SGCZ: variants seen among roughly 807,000 people sequenced by gnomAD.
SGCZ encodes sarcoglycan zeta, also known as zeta-sarcoglycan.
SGCZ carries 40 observed loss-of-function variants against 41.3 expected under a neutral mutation model. That is an observed-to-expected ratio of 0.97 (90% confidence interval 0.75 to 1.26). The LOEUF (loss-of-function observed/expected upper bound fraction) is 1.26, where lower values mean the gene tolerates loss of function less well. Among genes scored for constraint, SGCZ ranks in the 50% most tolerant of loss-of-function variants. The probability of loss-of-function intolerance (pLI) is 0.00; values close to 1 mark genes in which losing one functional copy is unlikely to be tolerated. For synonymous variants in SGCZ, 206 were observed against 137.5 expected, an observed-to-expected ratio of 1.50 and a Z score of -3.49; for missense variants, 552 against 369.8, an observed-to-expected ratio of 1.49 and a Z score of -4.04.
chr8:14,625,658 T>C (rs1291786673), intron 1 of SGCZ, among the ~76,000 whole-genome samples: 2 of 152,066 alleles, frequency 1.3e-5, no homozygotes, highest in Non-Finnish European at 2.9e-5. Context: ...CTTGAACTCC[T>C]GGAATTAAGT....
intron 1 of SGCZ, among the ~76,000 whole-genome samples, chr8:14,723,992 A>G (rs1341244959): frequency 1.3e-5 from 2 of 152,134 alleles, no homozygotes; most frequent in Admixed American, 1.3e-4. Flanking sequence ...AAGCAGAAGG[A>G]ATAGCCTACT....
At chr8:15,027,079 G>A (rs1803485806) in intron 1 of SGCZ, among the ~76,000 whole-genome samples, 1 of 152,066 alleles carries the variant, frequency 6.6e-6, no homozygotes, top group African/African-American at 2.4e-5. Context: ...ACACATACTG[G>A]CTATATGCCA....
At chr8:14,569,948 C>A (rs80200709) in intron 1 of SGCZ, among the ~76,000 whole-genome samples, 47 of 143,118 alleles carry the variant, frequency 3.3e-4, no homozygotes, top group African/African-American at 1.1e-3. Context: ...GCACTGGAAT[C>A]TTTTTTTTTT....
At chr8:14,584,403 C>G (rs903452629) in intron 1 of SGCZ, among the ~76,000 whole-genome samples, 1 of 151,918 alleles carries the variant, frequency 6.6e-6, no homozygotes, top group Non-Finnish European at 1.5e-5. Context: ...GGCTTACATT[C>G]TAGGCTAAGA....
intron 3 of SGCZ, among the ~76,000 whole-genome samples, chr8:14,252,401 A>G (rs1240613346): frequency 6.6e-6 from 1 of 152,086 alleles, no homozygotes; most frequent in Non-Finnish European, 1.5e-5. Context: ...ATACATATAT[A>G]TGATGTATAT....
chr8:14,093,191 C>T (rs1415658374), intron 7 of SGCZ, among the ~76,000 whole-genome samples: 1 of 152,080 alleles, frequency 6.6e-6, no homozygotes, highest in Non-Finnish European at 1.5e-5. Context: ...CTTTCTCTCT[C>T]TTTGCCCTCC....
At chr8:14,883,175 AC>A (rs1310505181) in intron 1 of SGCZ, among the ~76,000 whole-genome samples, 12 of 151,862 alleles carry the variant, frequency 7.9e-5, no homozygotes, top group African/African-American at 2.9e-4. Context: ...TGGTGATGAA[AC>A]AGAACAGAAC....
chr8:14,208,668 A>G (rs1805697288), intron 4 of SGCZ, among the ~76,000 whole-genome samples: 1 of 152,118 alleles, frequency 6.6e-6, no homozygotes, highest in Non-Finnish European at 1.5e-5. Flanking sequence ...AAACAACTAG[A>G]AACACTTAAT....
chr8:14,284,579 A>T (rs1014392455), intron 3 of SGCZ, among the ~76,000 whole-genome samples: 2 of 152,116 alleles, frequency 1.3e-5, no homozygotes, highest in African/African-American at 4.8e-5. Context: ...TTGTCTTCTA[A>T]TTGGAGCTTT....
intron 3 of SGCZ, among the ~76,000 whole-genome samples, chr8:14,256,006 A>G (rs1289104995): frequency 6.6e-6 from 1 of 152,160 alleles, no homozygotes. Flanking sequence ...TCTCACTTCG[A>G]GGAACATGCC....
intron 1 of SGCZ, among the ~76,000 whole-genome samples, chr8:15,140,262 T>A (rs935089448): frequency 6.6e-6 from 1 of 152,164 alleles, no homozygotes; most frequent in Non-Finnish European, 1.5e-5. Flanking sequence ...TGGCCTCAAG[T>A]GATCCTCCCA....
intron 1 of SGCZ, among the ~76,000 whole-genome samples, chr8:14,682,578 G>A (rs1270863290): frequency 1.3e-5 from 2 of 151,844 alleles, no homozygotes; most frequent in Admixed American, 1.3e-4. Context: ...GGGACTACAG[G>A]CGCCCACCAC....
chr8:14,639,814 A>C (rs1240402949), intron 1 of SGCZ, among the ~76,000 whole-genome samples: 1 of 151,594 alleles, frequency 6.6e-6, no homozygotes, highest in African/African-American at 2.4e-5. Flanking sequence ...AATTTCAAAG[A>C]AATTATGAGT....
intron 2 of SGCZ, among the ~76,000 whole-genome samples, chr8:14,472,763 G>A (rs946394564): frequency 6.6e-6 from 1 of 152,010 alleles, no homozygotes; most frequent in Non-Finnish European, 1.5e-5. Flanking sequence ...AAATTTGTTT[G>A]TGTATGTAGA....
At chr8:14,718,680 G>A (rs1045185671) in intron 1 of SGCZ, among the ~76,000 whole-genome samples, 6 of 151,632 alleles carry the variant, frequency 4.0e-5, no homozygotes, top group African/African-American at 1.5e-4. Flanking sequence ...TCCTACTGAA[G>A]ATAAATTCAA....
At chr8:14,960,822 T>C (rs561847280) in intron 1 of SGCZ, among the ~76,000 whole-genome samples, 2 of 152,100 alleles carry the variant, frequency 1.3e-5, no homozygotes, top group African/African-American at 4.8e-5. Flanking sequence ...TTTTACACAC[T>C]CCACAGCTAG....
At chr8:14,095,090 A>G (rs976187955) in intron 7 of SGCZ, among the ~76,000 whole-genome samples, 2 of 152,044 alleles carry the variant, frequency 1.3e-5, no homozygotes, top group African/African-American at 4.8e-5. Context: ...ATTCACTCTG[A>G]TGATAGTTTC....
At chr8:14,323,728 C>T (rs1167827798) in intron 3 of SGCZ, among the ~76,000 whole-genome samples, 3 of 152,062 alleles carry the variant, frequency 2.0e-5, no homozygotes, top group Admixed American at 6.6e-5. Context: ...TGATCAGATA[C>T]ATAGTATGTT....
At chr8:14,836,296 C>T (rs1802699445) in intron 1 of SGCZ, among the ~76,000 whole-genome samples, 1 of 152,136 alleles carries the variant, frequency 6.6e-6, no homozygotes, top group South Asian at 2.1e-4. Context: ...TCAATATTCT[C>T]ATCTGTAAAA....
Sources: gnomAD v4.1 joint callset for allele counts (sites outside exome capture counted in the v4.1 genomes callset) on GRCh38, gnomAD v4.1.1 for gene constraint, MANE v1.5 for transcripts, NCBI Gene and HGNC (gene_info 2026-07-23, HGNC 2026-07-21) for gene names.